SAMMSON: variants seen among roughly 807,000 people sequenced by gnomAD.
SAMMSON encodes long intergenic non-protein coding RNA 1212.
At chr3:70,128,190 C>G (rs2067467196) in intron 4 of SAMMSON, among the ~76,000 whole-genome samples, 1 of 152,150 alleles carries the variant, frequency 6.6e-6, no homozygotes, top group Non-Finnish European at 1.5e-5. Flanking sequence ...CATTTGGAGT[C>G]CTGCAGTAAG....
At chr3:70,065,455 C>G (rs2067206165) in intron 3 of SAMMSON, 1 of 151,896 alleles carries the variant, frequency 6.6e-6, no homozygotes, top group South Asian at 2.1e-4. Flanking sequence ...CATGAGTTGT[C>G]CATAAAACTA....
chr3:70,282,376 C>G (rs1387135227), intron 6 of SAMMSON, among the ~76,000 whole-genome samples: 1 of 152,128 alleles, frequency 6.6e-6, no homozygotes, highest in African/African-American at 2.4e-5. Context: ...TTAAACCTAC[C>G]ACTTAAACTT....
chr3:70,427,717 G>A (rs901990998), intron 2 of SAMMSON, among the ~76,000 whole-genome samples: 11 of 137,518 alleles, frequency 8.0e-5, no homozygotes, highest in African/African-American at 2.5e-4. Flanking sequence ...CAGCCTGGGC[G>A]ACAGAGCGAA....
intron 4 of SAMMSON, among the ~76,000 whole-genome samples, chr3:70,220,636 C>G (rs1046625027): frequency 6.6e-6 from 1 of 152,032 alleles, no homozygotes; most frequent in East Asian, 1.9e-4. Context: ...GTTTGGTCTC[C>G]CTTTAGAATG....
chr3:70,294,913 C>CA (rs1432399701), intron 7 of SAMMSON, among the ~76,000 whole-genome samples: 1 of 152,004 alleles, frequency 6.6e-6, no homozygotes, highest in Non-Finnish European at 1.5e-5. Context: ...GCCAATGATC[C>CA]AAAAACAAAG....
At chr3:70,103,847 G>A (rs547568981) in intron 4 of SAMMSON, among the ~76,000 whole-genome samples, 6 of 152,212 alleles carry the variant, frequency 3.9e-5, no homozygotes, top group East Asian at 3.9e-4. Flanking sequence ...AAAAATGAGC[G>A]TTATTAAATT....
chr3:70,412,473 C>T (rs1001444238), intron 2 of SAMMSON, among the ~76,000 whole-genome samples: 1 of 152,098 alleles, frequency 6.6e-6, no homozygotes, highest in African/African-American at 2.4e-5. Context: ...GTCAAAAGAA[C>T]AAAGAGTTGT....
intron 4 of SAMMSON, among the ~76,000 whole-genome samples, chr3:70,190,121 A>G (rs1396997680): frequency 6.6e-6 from 1 of 152,200 alleles, no homozygotes; most frequent in Non-Finnish European, 1.5e-5. Flanking sequence ...CCTAATGAAA[A>G]TAATGGCTTC....
At chr3:70,179,040 T>A (rs1210194046) in intron 4 of SAMMSON, among the ~76,000 whole-genome samples, 2 of 152,128 alleles carry the variant, frequency 1.3e-5, no homozygotes, top group African/African-American at 4.8e-5. Flanking sequence ...AAGAACTTTA[T>A]AACTGATCAG....
chr3:70,298,165 A>C (rs1702309209), intron 7 of SAMMSON, among the ~76,000 whole-genome samples: 1 of 152,144 alleles, frequency 6.6e-6, no homozygotes, highest in Non-Finnish European at 1.5e-5. Context: ...GCATCTAAAT[A>C]TCCTTAGGTT....
intron 7 of SAMMSON, among the ~76,000 whole-genome samples, chr3:70,296,147 T>C (rs997723281): frequency 6.6e-6 from 1 of 152,184 alleles, no homozygotes; most frequent in Non-Finnish European, 1.5e-5. Context: ...ACATTTTCTT[T>C]ACTTTGTAAT....
chr3:70,018,144 G>C (rs950618508), intron 3 of SAMMSON, among the ~76,000 whole-genome samples: 3 of 152,120 alleles, frequency 2.0e-5, no homozygotes, highest in African/African-American at 7.2e-5. Context: ...AATTGGAATA[G>C]TTTCAGAAGG....
At chr3:70,153,937 A>C (rs763260217) in intron 4 of SAMMSON, among the ~76,000 whole-genome samples, 3 of 152,022 alleles carry the variant, frequency 2.0e-5, no homozygotes, top group Non-Finnish European at 4.4e-5. Flanking sequence ...TACCTCATAT[A>C]AGTGGAATCA....
intron 3 of SAMMSON, among the ~76,000 whole-genome samples, chr3:70,019,192 T>C (rs1046132641): frequency 3.9e-5 from 6 of 152,200 alleles, no homozygotes; most frequent in African/African-American, 1.4e-4. Context: ...TGTTAAAGTC[T>C]CCCGTTATTA....
At chr3:70,050,636 C>T (rs548436599) in intron 3 of SAMMSON, among the ~76,000 whole-genome samples, 22 of 152,078 alleles carry the variant, frequency 1.4e-4, no homozygotes, top group Non-Finnish European at 2.6e-4. Flanking sequence ...TAGGATTCCC[C>T]TCATGGTTGA....
At chr3:70,245,052 A>G (rs1203396589) in intron 4 of SAMMSON, among the ~76,000 whole-genome samples, 2 of 152,128 alleles carry the variant, frequency 1.3e-5, no homozygotes, top group Admixed American at 6.6e-5. Flanking sequence ...AATTGCAATC[A>G]GGGATTTACA....
At chr3:70,236,581 G>T (rs1203690524) in intron 4 of SAMMSON, among the ~76,000 whole-genome samples, 3 of 151,972 alleles carry the variant, frequency 2.0e-5, no homozygotes, top group African/African-American at 7.2e-5. Flanking sequence ...CCTGTAAATT[G>T]ACCCTTATTT....
chr3:70,022,093 T>C (rs944521643), intron 3 of SAMMSON, among the ~76,000 whole-genome samples: 2 of 152,018 alleles, frequency 1.3e-5, no homozygotes, highest in African/African-American at 4.8e-5. Context: ...GGGCCTTTTG[T>C]TTTTTACCAA....
At chr3:70,322,520 T>C (rs535509312) in intron 7 of SAMMSON, among the ~76,000 whole-genome samples, 69 of 152,288 alleles carry the variant, frequency 4.5e-4, no homozygotes, top group Non-Finnish European at 8.7e-4. Context: ...CCGCGAAAAG[T>C]ACATTTTTTT....
Sources: gnomAD v4.1 joint callset for allele counts (sites outside exome capture counted in the v4.1 genomes callset) on GRCh38, gnomAD v4.1.1 for gene constraint, MANE v1.5 for transcripts, NCBI Gene and HGNC (gene_info 2026-07-23, HGNC 2026-07-21) for gene names.